The following LCP1 variants were observed in gnomAD, a reference collection of about 807,000 sequenced individuals.
LCP1 encodes the protein plastin-2.
In LCP1, 23 loss-of-function variants were observed where a neutral mutation model predicts 72.0. The ratio of observed to expected loss-of-function variants is 0.32; its 90% confidence interval spans 0.23 to 0.45. The LOEUF (loss-of-function observed/expected upper bound fraction) is 0.45, where lower values mean the gene tolerates loss of function less well. Among genes scored for constraint, LCP1 ranks in the 20% least tolerant of loss-of-function variants. LCP1 has a pLI of 1.00. For missense variants in LCP1, 571 were observed against 748.3 expected (o/e 0.76, Z 2.76); for synonymous variants, 245 against 275.4 (o/e 0.89, Z 1.09).
chr13:46,140,767 A>G (rs1314705894), intron 13 of LCP1, among the ~76,000 whole-genome samples: 2 of 152,226 alleles, frequency 1.3e-5, no homozygotes, highest in African/African-American at 2.4e-5. Context: ...AAATATAAAA[A>G]TGACTCAAAA....
chr13:46,129,713 C>A (rs1399003929), intron 15 of LCP1, among the ~76,000 whole-genome samples: 1 of 152,116 alleles, frequency 6.6e-6, no homozygotes, highest in African/African-American at 2.4e-5. Context: ...ATGCCGGGCA[C>A]TAGATACTTG....
chr13:46,181,180 G>A (rs1270056662), intron 1 of LCP1, among the ~76,000 whole-genome samples: 1 of 152,160 alleles, frequency 6.6e-6, no homozygotes, highest in East Asian at 1.9e-4. Context: ...GAAAAGTTCG[G>A]TTTTGATAAA....
chr13:46,162,618 C>T (rs1471588140), intron 1 of LCP1, among the ~76,000 whole-genome samples: 1 of 152,140 alleles, frequency 6.6e-6, no homozygotes, highest in Non-Finnish European at 1.5e-5. Flanking sequence ...GTTGCCCAGG[C>T]TGGAGTGCAG....
At chr13:46,153,319 G>T (rs2045780517) in intron 6 of LCP1, 1 of 157,864 alleles carries the variant, frequency 6.3e-6, no homozygotes, top group Admixed American at 6.5e-5. Flanking sequence ...TCCTGTCACT[G>T]GCCATCATGA....
At chr13:46,142,588 A>C (rs2138233757) in intron 12 of LCP1, 163 bp from the exon 13 acceptor site, 1 of 733,682 alleles carries the variant, frequency 1.4e-6, no homozygotes. Flanking sequence ...AAATTAAAGA[A>C]TTTTCCATCT....
chr13:46,174,145 CTTCTA>C (rs1593965893), intron 1 of LCP1, among the ~76,000 whole-genome samples: 1 of 152,112 alleles, frequency 6.6e-6, no homozygotes, highest in East Asian at 1.9e-4. Context: ...ATAACAGAAA[CTTCTA>C]TTTATTTGTA....
At chr13:46,137,403 G>A (rs2045671570) in intron 13 of LCP1, among the ~76,000 whole-genome samples, 2 of 152,108 alleles carry the variant, frequency 1.3e-5, no homozygotes, top group Admixed American at 1.3e-4. Flanking sequence ...CGGGTGTGGT[G>A]GCACAAGCCT....
chr13:46,146,691 G>A (rs906432084), intron 10 of LCP1, among the ~76,000 whole-genome samples: 4 of 152,106 alleles, frequency 2.6e-5, no homozygotes, highest in African/African-American at 7.2e-5. Flanking sequence ...ATGGATGAAC[G>A]CTTTGTTAAT....
At position 46,160,683 on chromosome 13, in the gene LCP1, A is replaced by G. The variant is rs2045832569; in HGVS notation, c.-24-997T>C. 2.6e-5 allele frequency among the ~76,000 whole-genome samples: 4 copies of G among 152,160 alleles called. No individual in the cohort carries two copies. The South Asian group carries it at 8.3e-4, about 32-fold the overall frequency. On this transcript the variant is annotated intron_variant, in intron 1 of 15. Coordinates refer to ENST00000323076, the MANE Select transcript of LCP1 (RefSeq NM_002298.5). ...TCACTGCTGCCCTCTAGTGGGTGAG[A>G]AGAAAATAAAACAGAAAATGGATGA...
intron 10 of LCP1, among the ~76,000 whole-genome samples, chr13:46,145,024 G>A (rs2045721343): frequency 6.6e-6 from 1 of 152,134 alleles, no homozygotes; most frequent in South Asian, 2.1e-4. Context: ...GTAGAAGGTA[G>A]TATAAATATG....
At chr13:46,179,090 G>A (rs183784449) in intron 1 of LCP1, among the ~76,000 whole-genome samples, 6 of 152,302 alleles carry the variant, frequency 3.9e-5, no homozygotes, top group Admixed American at 3.9e-4. Flanking sequence ...TTTGGCAAGG[G>A]TAGCTAAGTT....
chr13:46,143,663 G>A (rs775706254), intron 11 of LCP1, among the ~76,000 whole-genome samples: 8 of 152,154 alleles, frequency 5.3e-5, no homozygotes, highest in Non-Finnish European at 1.2e-4. Context: ...CTATGGTGAC[G>A]AAATAATCTG....
At chr13:46,162,550 C>G (rs987296821) in intron 1 of LCP1, among the ~76,000 whole-genome samples, 1 of 151,988 alleles carries the variant, frequency 6.6e-6, no homozygotes, top group East Asian at 1.9e-4. Context: ...GATCTGCCAG[C>G]CTCGGCCTCC....
At chr13:46,163,177 C>T (rs1285763846) in intron 1 of LCP1, among the ~76,000 whole-genome samples, 1 of 152,120 alleles carries the variant, frequency 6.6e-6, no homozygotes, top group African/African-American at 2.4e-5. Flanking sequence ...ATGACAATGG[C>T]GGTTTTGTGG....
chr13:46,142,600 T>C (rs1294971422), intron 12 of LCP1, 175 bp from the exon 13 acceptor site: 2 of 660,238 alleles, frequency 3.0e-6, no homozygotes, highest in Non-Finnish European at 5.1e-6. Context: ...TTTCCATCTG[T>C]CCTTAGAACC....
Position 46,144,544 on chromosome 13 carries a change from C to T in LCP1, c.1175-24G>A, listed in dbSNP as rs774519853. 4.5e-6 allele frequency: 7 copies of T among 1,559,668 alleles called. No homozygotes were observed. The African/African-American group carries it at 8.1e-5, about 18-fold the overall frequency. ...ACCTAGATGAATGAAGATGGGTTAT[C>T]TTTTGGGACCGAAGAAAACATAGCT... On this transcript the variant is annotated intron_variant, in intron 10 of 15. Transcript: ENST00000323076.
rs890379145 is a variant in LCP1, at chr13:46,126,435, A to T, written c.*1156T>A. ...TTCCACCATTTCTTATCCAGCATAG[A>T]TTCATTCTGCCCTTGACAGCTGGCT... On this transcript the variant is annotated 3_prime_UTR_variant, in exon 16 of 16. Coordinates refer to ENST00000323076, the MANE Select transcript of LCP1 (RefSeq NM_002298.5). 1 of 232,418 alleles carries T rather than the reference A, an allele frequency of 4.3e-6. No homozygotes were observed. The highest frequency in any genetic ancestry group is 8.5e-6 in the Non-Finnish European group (1 of 117,334). 14.4% of individuals were successfully genotyped at this position (232,418 alleles called of 1,614,324 possible).
At chr13:46,140,186 G>C (rs1211377808) in intron 13 of LCP1, among the ~76,000 whole-genome samples, 6 of 152,194 alleles carry the variant, frequency 3.9e-5, no homozygotes, top group Non-Finnish European at 5.9e-5. Flanking sequence ...ACTGTATAGA[G>C]AGAAGAGAGT....
chr13:46,164,145 C>G lies in LCP1; in HGVS notation c.-24-4459G>C, dbSNP rs2045863453. Among the ~76,000 whole-genome samples, 3 of 152,308 alleles carry G rather than the reference C, an allele frequency of 2.0e-5. No individual in the cohort carries two copies. The South Asian group carries it at 6.2e-4, about 32-fold the overall frequency. On this transcript the variant is annotated intron_variant, in intron 1 of 15. Coordinates refer to ENST00000323076, the MANE Select transcript of LCP1 (RefSeq NM_002298.5). ...ACAAACAAGATCTCTGACTCTAAAC[C>G]TGGCCTTATCCCTTGACACAAGAAT...
Sources: allele counts gnomAD v4.1 joint callset (sites outside exome capture counted in the v4.1 genomes callset), GRCh38; gene constraint gnomAD v4.1.1; transcripts MANE v1.5; gene names NCBI Gene and HGNC (gene_info 2026-07-23, HGNC 2026-07-21).